The following AGXT variants were observed in gnomAD, a reference collection of about 807,000 sequenced individuals.
AGXT encodes the protein alanine--glyoxylate aminotransferase.
AGXT carries 41 observed loss-of-function variants against 46.9 expected under a neutral mutation model. The ratio of observed to expected loss-of-function variants is 0.88; its 90% CI spans 0.68 to 1.14. AGXT has a LOEUF of 1.14. Among genes scored for constraint, AGXT ranks in the 50% most tolerant of loss-of-function variants. The pLI, the probability that AGXT is intolerant of heterozygous loss-of-function variation, is 0.00. For missense variants in AGXT, 525 were observed against 522.7 expected (o/e 1.00, Z -0.04); for synonymous variants, 244 against 227.9 (o/e 1.07, Z -0.64).
chr2:240,872,595 G>T (rs2058998326), intron 4 of AGXT, among the ~76,000 whole-genome samples: 1 of 152,060 alleles, frequency 6.6e-6, no homozygotes, highest in Admixed American at 6.5e-5. Context: ...GGCAGAGGTA[G>T]GCCCAGCCTG....
rs773960979 is a variant in AGXT, at chr2:240,875,186, G to C, written c.758G>C (p.Cys253Ser). Reference sequence around the variant, plus strand: ...AAGTGGCTGGCCAACTTCTGGGGCTGTGACGACCAGCCCAGGATGTGAGGC... The same window carrying C: ...AAGTGGCTGGCCAACTTCTGGGGCTCTGACGACCAGCCCAGGATGTGAGGC... ...DIKWLANFWGCDDQPRMYHHT... is the reference protein window; with the variant it reads ...DIKWLANFWGSDDQPRMYHHT... The change falls in exon 7 of 11, where the codon TGT becomes TCT. Residue 253 changes from cysteine (C) to serine (S), a missense_variant. Transcript: ENST00000307503. 2.5e-6 allele frequency: 4 copies of C among 1,613,324 alleles called. No homozygotes were observed. In the South Asian group the frequency reaches 4.4e-5, roughly 18 times the overall value.
chr2:240,876,133 G>A lies in AGXT; in HGVS notation c.846+129G>A, dbSNP rs549882879. 303 of 1,163,714 alleles carry A rather than the reference G, an allele frequency of 2.6e-4. 1 individual carries two copies. The African/African-American group carries it at 4.1e-3, about 16-fold the overall frequency. The allele number at this position is 1,163,714 out of a possible 1,614,324, so 72.1% of individuals were successfully genotyped here. ...GCCTGCCAGAGAGAGGCCCTCAGTGGGGGTGGGGGAGAGAGGACAGGGCCC... is the reference window on the plus strand; with the variant it reads ...GCCTGCCAGAGAGAGGCCCTCAGTGAGGGTGGGGGAGAGAGGACAGGGCCC... On this transcript the variant is annotated intron_variant, in intron 8 of 10. Transcript: ENST00000307503.
chr2:240,873,006 G>T lies in AGXT; in HGVS notation c.552G>T (p.Ser184=). 1 of 1,613,954 alleles carries T rather than the reference G, an allele frequency of 6.2e-7. No homozygotes were observed. Among genetic ancestry groups the T allele is most frequent in the South Asian group, 1.1e-5 (1 of 91,078 alleles). Residue 184 remains serine (S), a synonymous_variant, in exon 5 of 11, where the codon TCG becomes TCT. Coordinates refer to ENST00000307503, the MANE Select transcript of AGXT (RefSeq NM_000030.3). ...ACAAGTGCCTGCTCCTGGTGGATTC[G>T]GTGGCATCCCTGGGCGGGACCCCCC... The part of the protein sequence containing the change: ...HRYKCLLLVD[S]VASLGGTPLY...
chr2:240,878,348 G>A (rs1281793098), intron 10 of AGXT, among the ~76,000 whole-genome samples, 198 bp downstream of exon 10: 2 of 152,194 alleles, frequency 1.3e-5, no homozygotes, highest in Non-Finnish European at 2.9e-5. Context: ...AGCCCACTGA[G>A]GTCACCAGGT....
chr2:240,873,150 G>A, intron 5 of AGXT, 101 bp downstream of exon 5: 1 of 1,032,512 alleles, frequency 9.7e-7, no homozygotes, highest in Non-Finnish European at 1.5e-6. Flanking sequence ...CGATGCTGCG[G>A]ATTCGGCCCC....
chr2:240,872,729 G>A (rs966354443), intron 4 of AGXT, among the ~76,000 whole-genome samples: 1 of 152,064 alleles, frequency 6.6e-6, no homozygotes, highest in Non-Finnish European at 1.5e-5. Flanking sequence ...TCTCACCAGG[G>A]CCGTGATGCT....
intron 3 of AGXT, chr2:240,871,141 C>T: frequency 1.6e-6 from 1 of 620,980 alleles, no homozygotes; most frequent in Non-Finnish European, 2.9e-6. Context: ...CACCCTCCTC[C>T]ATCTCTGCAC....
chr2:240,876,027 G>A (rs931566666), intron 8 of AGXT, 23 bp downstream of exon 8: 32 of 1,612,416 alleles, frequency 2.0e-5, no homozygotes, highest in Non-Finnish European at 2.5e-5. Flanking sequence ...CACTCCACAG[G>A]AGGAGACAGG....
chr2:240,879,345 C>T lies in AGXT; in HGVS notation c.*524C>T, dbSNP rs1046356156. The T allele has an allele frequency of 2.7e-4, 52 of 189,488 alleles. 1 individual carries two copies. Among genetic ancestry groups the T allele is most frequent in the African/African-American group, 1.1e-3 (48 of 42,398 alleles). The allele number at this position is 189,488 out of a possible 1,614,324, so 11.7% of individuals were successfully genotyped here. ...CGGCGCACAGGGCTGGTTGGAGACC[C>T]CTGTCATGGACAAGGGTACCTGCGT... On this transcript the variant is annotated 3_prime_UTR_variant, in exon 11 of 11. Transcript: ENST00000307503.
At chr2:240,878,290 C>T in intron 10 of AGXT, 140 bp downstream of exon 10, 1 of 1,253,640 alleles carries the variant, frequency 8.0e-7, no homozygotes, top group Non-Finnish European at 1.1e-6. Context: ...GGCCCACTCT[C>T]CAAGGGGTAT....
At position 240,875,821 on chromosome 2, in the gene AGXT, A is replaced by G. The variant is rs984359688; in HGVS notation, c.777-114A>G. 4 of 1,173,288 alleles carry G rather than the reference A, an allele frequency of 3.4e-6. No homozygotes were observed. The African/African-American group carries it at 4.6e-5, about 14-fold the overall frequency. 72.7% of individuals were successfully genotyped at this position (1,173,288 alleles called of 1,614,324 possible). On this transcript the variant is annotated intron_variant, in intron 7 of 10. Transcript: ENST00000307503. ...CGGACAGGACTCCTCTGCGGAGGAT[A>G]CCGGCCTGTGGTCAGAGAGCCTGTG...
At chr2:240,873,296 G>C in intron 5 of AGXT, 2 of 534,962 alleles carry the variant, frequency 3.7e-6, no homozygotes, top group Non-Finnish European at 6.7e-6. Flanking sequence ...GCTTCTGGTG[G>C]GGGACATTTG....
At chr2:240,869,079 C>A in intron 1 of AGXT, 49 bp downstream of exon 1, 1 of 1,611,780 alleles carries the variant, frequency 6.2e-7, no homozygotes, top group Non-Finnish European at 8.5e-7. Flanking sequence ...CATGTTCCCA[C>A]CCACAGATCG....
intron 2 of AGXT, 86 bp downstream of exon 2, chr2:240,869,448 C>T (rs373426616): frequency 1.5e-5 from 21 of 1,439,162 alleles, no homozygotes; most frequent in African/African-American, 7.1e-5. Context: ...TGGCAGCCCC[C>T]GTTCCTGGGT....
At position 240,869,178 on chromosome 2, in the gene AGXT, C is replaced by T. The variant is rs761756536; in HGVS notation, c.174C>T (p.Asp58=). ...ATACCACCCGCATGCAGATCATGGA[C>T]GAGATCAAGGAAGGCATCCAGTACG... is the stretch of plus-strand genomic sequence containing the variant. The part of the protein sequence containing the change: ...SMSKDMYQIM[D]EIKEGIQYVF... The change falls in exon 2 of 11, where the codon GAC becomes GAT. Residue 58 remains aspartate, a synonymous_variant. Transcript: ENST00000307503. 17 of 1,473,624 alleles carry T rather than the reference C, an allele frequency of 1.2e-5. No homozygotes were observed. Among genetic ancestry groups the T allele is most frequent in the African/African-American group, 9.1e-5 (6 of 65,940 alleles). The allele number at this position is 1,473,624 out of a possible 1,614,324, so 91.3% of individuals were successfully genotyped here. A position where few individuals can be genotyped will look rare whatever the true frequency, so the allele number is the denominator to read the frequency against.
At chr2:240,872,463 C>CGTGAACATGGAGGCGGAGGAGTGT (rs2058997515) in intron 4 of AGXT, among the ~76,000 whole-genome samples, 19 of 40,974 alleles carry the variant, frequency 4.6e-4, no homozygotes, top group Non-Finnish European at 7.5e-4. Context: ...AGGAGGAGGG[C>CGTGAACATGGAGGCGGAGGAGTGT]GAGAGTTCGT....
At chr2:240,872,292 C>T (rs4991355) in intron 4 of AGXT, among the ~76,000 whole-genome samples, 7 of 32,218 alleles carry the variant, frequency 2.2e-4, no homozygotes, top group South Asian at 6.8e-4. Context: ...CGTGAACATG[C>T]AGGAGGAGGA....
chr2:240,877,916 G>A lies in AGXT; in HGVS notation c.943-106G>A, dbSNP rs905203396. On this transcript the variant is annotated intron_variant, in intron 9 of 10. Transcript: ENST00000307503. ...GCTCTCTCCCGGCCCTTTCTCCCCC[G>A]GCTCCTCTGGAACCTGAAGCTGGGG... is the stretch of plus-strand genomic sequence containing the variant. 71 of 1,507,814 alleles carry A rather than the reference G, an allele frequency of 4.7e-5. No homozygotes were observed. In the East Asian group the frequency reaches 8.6e-4, roughly 18 times the overall value. The allele number at this position is 1,507,814 out of a possible 1,614,324, so 93.4% of individuals were successfully genotyped here. A position where few individuals can be genotyped will look rare whatever the true frequency, so the allele number is the denominator to read the frequency against.
At chr2:240,878,208 A>G in intron 10 of AGXT, 58 bp downstream of exon 10, 1 of 1,604,192 alleles carries the variant, frequency 6.2e-7, no homozygotes, top group African/African-American at 1.3e-5. Context: ...CCCCTCCTTG[A>G]GCAGGACTGT....
Sources: allele counts gnomAD v4.1 joint callset (sites outside exome capture counted in the v4.1 genomes callset), GRCh38; gene constraint gnomAD v4.1.1; transcripts MANE v1.5; gene names NCBI Gene and HGNC (gene_info 2026-07-23, HGNC 2026-07-21).